Variants in GUCY1A2 observed in about 807,000 individuals in gnomAD.
The protein encoded by GUCY1A2 is guanylate cyclase soluble subunit alpha-2.
A neutral mutation model predicts 63.5 loss-of-function variants in GUCY1A2; 27 were observed. The observed-to-expected ratio is 0.43, with a 90% CI of 0.31 to 0.59. The LOEUF (loss-of-function observed/expected upper bound fraction) is 0.59, where lower values mean the gene tolerates loss of function less well. Ranked by LOEUF, GUCY1A2 falls within the 20% of genes least tolerant of loss-of-function variation. The probability of loss-of-function intolerance (pLI) is 0.11; values close to 1 mark genes in which losing one functional copy is unlikely to be tolerated. For missense variants in GUCY1A2, 768 were observed against 913.3 expected, an observed-to-expected ratio of 0.84 and a Z score of 2.05; for synonymous variants, 364 against 343.5, an observed-to-expected ratio of 1.06 and a Z score of -0.66.
intron 1 of GUCY1A2, among the ~76,000 whole-genome samples, chr11:106,994,361 G>T (rs942904229): frequency 6.6e-6 from 1 of 152,046 alleles, no homozygotes; most frequent in Non-Finnish European, 1.5e-5. Flanking sequence ...ATTTCAATTT[G>T]ATACAAAACC....
At chr11:106,687,901 A>T (rs1263660305) in intron 7 of GUCY1A2, 145 bp from the exon 8 acceptor site, 9 of 608,056 alleles carry the variant, frequency 1.5e-5, no homozygotes, top group Non-Finnish European at 2.6e-5. Flanking sequence ...CCTTCATCAG[A>T]TTCCAAATGC....
intron 4 of GUCY1A2, among the ~76,000 whole-genome samples, chr11:106,852,915 T>A (rs1359903988): frequency 1.3e-5 from 2 of 152,162 alleles, no homozygotes; most frequent in Admixed American, 1.3e-4. Flanking sequence ...CTTTGCTGGA[T>A]ATAGGAGTTT....
chr11:106,806,227 A>G lies in GUCY1A2; in HGVS notation c.1692+3766T>C, dbSNP rs575525991. ...CCAGATGGTATTCTCAACTCTTTAT[A>G]GGAAAGCTCACTGAAATGCTTATGA... On this transcript the variant is annotated intron_variant, in intron 5 of 7. Transcript: ENST00000526355. Among the ~76,000 whole-genome samples the G allele has an allele frequency of 3.3e-5, 5 of 152,288 alleles. No individual in the cohort carries two copies. The South Asian group carries it at 1.0e-3, about 32-fold the overall frequency.
In GUCY1A2 at chr11:106,684,669, A is replaced by C. The variant is rs1200901633; in HGVS notation, c.*2880T>G. The stretch of plus-strand genomic sequence containing the variant: ...AACAGCAGCTTAAAAGAATATTAAA[A>C]TGCAAGAGCTATAGGTGCCAAATTA... On this transcript the variant is annotated 3_prime_UTR_variant, in exon 8 of 8. Transcript: ENST00000526355. 1 of 202,228 alleles carries C rather than the reference A, an allele frequency of 4.9e-6. No homozygotes were observed. The highest frequency in any genetic ancestry group is 2.3e-5 in the African/African-American group (1 of 43,626). 12.5% of individuals were successfully genotyped at this position (202,228 alleles called of 1,614,324 possible).
At position 106,979,282 on chromosome 11, in the gene GUCY1A2, C is replaced by G. The variant is rs111919048; in HGVS notation, c.366-542G>C. Among the ~76,000 whole-genome samples the G allele has an allele frequency of 9.1e-4, 138 of 152,006 alleles. 1 individual carries two copies. Among genetic ancestry groups the G allele is most frequent in the African/African-American group, 3.3e-3 (136 of 41,472 alleles). Reference sequence around the variant, plus strand: ...CATCCTGGCTAACACGGTGAAACCCCGTCTCTACTAAAAATACAAAAAATT... The same window carrying G: ...CATCCTGGCTAACACGGTGAAACCCGGTCTCTACTAAAAATACAAAAAATT... On this transcript the variant is annotated intron_variant, in intron 2 of 7. Coordinates refer to ENST00000526355, the MANE Select transcript of GUCY1A2 (RefSeq NM_000855.3).
intron 5 of GUCY1A2, among the ~76,000 whole-genome samples, chr11:106,777,242 A>T (rs1057143846): frequency 2.6e-5 from 4 of 152,098 alleles, no homozygotes; most frequent in Admixed American, 2.6e-4. Context: ...CGAGGTCAGC[A>T]TATCGAGACC....
chr11:106,934,811 T>C (rs1262630497), intron 4 of GUCY1A2, among the ~76,000 whole-genome samples: 2 of 152,200 alleles, frequency 1.3e-5, no homozygotes, highest in Non-Finnish European at 2.9e-5. Context: ...TCCAAGGTGC[T>C]ATTAAAGTTC....
intron 4 of GUCY1A2, among the ~76,000 whole-genome samples, chr11:106,924,979 C>A (rs747353666): frequency 5.3e-5 from 8 of 152,040 alleles, no homozygotes; most frequent in Non-Finnish European, 1.0e-4. Context: ...TGCACTCCAG[C>A]CTGGGTGACA....
Position 106,687,513 on chromosome 11 carries a change from G to C in GUCY1A2, c.*36C>G. The C allele has an allele frequency of 6.7e-7, 1 of 1,494,096 alleles. No individual in the cohort carries two copies. The highest frequency in any genetic ancestry group is 9.3e-7 in the Non-Finnish European group (1 of 1,071,198). 92.6% of individuals were successfully genotyped at this position (1,494,096 alleles called of 1,614,324 possible). On this transcript the variant is annotated 3_prime_UTR_variant, in exon 8 of 8. Transcript: ENST00000526355. The stretch of plus-strand genomic sequence containing the variant: ...CATTGGTGACCCATGTTCTGGGCTT[G>C]TGCTTTTTGGAGGAGTCTTTGATCT...
intron 5 of GUCY1A2, among the ~76,000 whole-genome samples, chr11:106,777,838 AAAGG>A (rs1864386291): frequency 6.6e-6 from 1 of 152,208 alleles, no homozygotes. Flanking sequence ...ATTTTTAAAA[AAAGG>A]AAGAAACAAG....
chr11:106,927,023 C>CAA (rs201163676), intron 4 of GUCY1A2, among the ~76,000 whole-genome samples: 4 of 145,434 alleles, frequency 2.8e-5, no homozygotes, highest in African/African-American at 1.0e-4. Context: ...TACTTAAAAA[C>CAA]AAAAAAAAAA....
chr11:106,727,797 A>C (rs1184834029), intron 6 of GUCY1A2, among the ~76,000 whole-genome samples: 2 of 152,122 alleles, frequency 1.3e-5, no homozygotes, highest in Non-Finnish European at 2.9e-5. Flanking sequence ...TACTGTTCCT[A>C]CTTTAGCAGG....
intron 4 of GUCY1A2, among the ~76,000 whole-genome samples, chr11:106,860,993 G>A (rs901101422): frequency 6.6e-6 from 1 of 151,942 alleles, no homozygotes; most frequent in Non-Finnish European, 1.5e-5. Context: ...GGAGGAGGAG[G>A]AGGAAGATGA....
intron 5 of GUCY1A2, among the ~76,000 whole-genome samples, chr11:106,779,497 T>C (rs373497972): frequency 6.6e-6 from 1 of 152,220 alleles, no homozygotes; most frequent in Admixed American, 6.5e-5. Flanking sequence ...TCAAAACTTA[T>C]TTCTGGTAGT....
intron 5 of GUCY1A2, among the ~76,000 whole-genome samples, chr11:106,805,068 T>C (rs986518979): frequency 6.6e-6 from 1 of 152,158 alleles, no homozygotes; most frequent in African/African-American, 2.4e-5. Flanking sequence ...TTCCCTAATG[T>C]AATAGAATTT....
At position 107,005,934 on chromosome 11, in the gene GUCY1A2, C is replaced by T. The variant is rs147565001; in HGVS notation, c.303+11819G>A. On this transcript the variant is annotated intron_variant, in intron 1 of 7. Coordinates refer to ENST00000526355, the MANE Select transcript of GUCY1A2 (RefSeq NM_000855.3). ...CTAGAGACTTTGCCAAAGATTGTGG[C>T]TAGAGGTAATTGAAAGTATCAGGAT... Among the ~76,000 whole-genome samples, 258 of 152,250 alleles carry T rather than the reference C, an allele frequency of 1.7e-3. 2 individuals are homozygous for T. The highest frequency in any genetic ancestry group is 5.8e-3 in the African/African-American group (240 of 41,544).
intron 4 of GUCY1A2, among the ~76,000 whole-genome samples, chr11:106,879,257 G>A (rs1316632892): frequency 4.6e-5 from 7 of 152,036 alleles, no homozygotes; most frequent in African/African-American, 7.2e-5. Context: ...AACATTCATC[G>A]ATGGCGTGAT....
rs894027678 is a variant in GUCY1A2, at chr11:106,680,548, G to A, written c.*7001C>T. Reference sequence around the variant, plus strand: ...TGATCAGCAACTAGCTGAATTAACTGGAAGGATAACTTCAGTGTAATTTAA... The same window carrying A: ...TGATCAGCAACTAGCTGAATTAACTAGAAGGATAACTTCAGTGTAATTTAA... On this transcript the variant is annotated 3_prime_UTR_variant, in exon 8 of 8. Coordinates refer to ENST00000526355, the MANE Select transcript of GUCY1A2 (RefSeq NM_000855.3). 3 of 197,146 alleles carry A rather than the reference G, an allele frequency of 1.5e-5. No homozygotes were observed. Among genetic ancestry groups the A allele is most frequent in the East Asian group, 7.9e-5 (1 of 12,582 alleles). The allele number at this position is 197,146 out of a possible 1,614,324, so 12.2% of individuals were successfully genotyped here. A position where few individuals can be genotyped will look rare whatever the true frequency, so the allele number is the denominator to read the frequency against.
intron 3 of GUCY1A2, among the ~76,000 whole-genome samples, chr11:106,971,965 A>G (rs1861201038): frequency 6.6e-6 from 1 of 152,142 alleles, no homozygotes; most frequent in Non-Finnish European, 1.5e-5. Flanking sequence ...AGACACACAC[A>G]ATATGGGCAT....
Sources: gnomAD v4.1 joint callset for allele counts (sites outside exome capture counted in the v4.1 genomes callset) on GRCh38, gnomAD v4.1.1 for gene constraint, MANE v1.5 for transcripts, NCBI Gene and HGNC (gene_info 2026-07-23, HGNC 2026-07-21) for gene names.